Variants in BMPR1A observed in about 807,000 individuals in gnomAD.
BMPR1A encodes the protein bone morphogenetic protein receptor type 1A, also known as bone morphogenetic protein receptor type-1A.
BMPR1A carries 7 observed loss-of-function variants against 66.0 expected under a neutral mutation model. The ratio of observed to expected loss-of-function variants is 0.11; its 90% CI spans 0.06 to 0.20. The LOEUF is 0.20. Among genes scored for constraint, BMPR1A ranks in the 10% least tolerant of loss-of-function variants. The pLI is 1.00. For missense variants in BMPR1A, 408 were observed against 669.1 expected (o/e 0.61, Z 4.31); for synonymous variants, 200 against 229.7 (o/e 0.87, Z 1.17).
chr10:86,892,015 A>G (rs1187945657), intron 4 of BMPR1A, 112 bp from the exon 5 acceptor site: 1 of 821,936 alleles, frequency 1.2e-6, no homozygotes, highest in East Asian at 2.7e-5. Context: ...ATTCTAAGTC[A>G]CAAAACAAAG....
intron 1 of BMPR1A, among the ~76,000 whole-genome samples, chr10:86,771,688 C>T (rs1324675097): frequency 6.6e-6 from 1 of 152,150 alleles, no homozygotes; most frequent in Non-Finnish European, 1.5e-5. Context: ...TAACAATTAA[C>T]CTCTCTTTTA....
intron 5 of BMPR1A, among the ~76,000 whole-genome samples, chr10:86,896,155 A>AAAAAG (rs1244352523): frequency 5.5e-4 from 82 of 147,936 alleles, no homozygotes; most frequent in East Asian, 2.6e-3. Context: ...CTCCGTCTCA[A>AAAAAG]AAAAGAAAAG....
At chr10:86,891,983 C>T in intron 4 of BMPR1A, 144 bp from the exon 5 acceptor site, 1 of 683,394 alleles carries the variant, frequency 1.5e-6, no homozygotes, top group Non-Finnish European at 2.6e-6. Context: ...CTGGCGTTGC[C>T]AATAAATCAC....
At position 86,818,921 on chromosome 10, in the gene BMPR1A, C is replaced by T. The variant is rs11202208; in HGVS notation, c.-267-19944C>T. ...TTTTGTTGTTGTTCATTGCTGTATG[C>T]TGAGGTTTAGATTAGTTCCTGGGAC... On this transcript the variant is annotated intron_variant, in intron 1 of 12. Coordinates refer to ENST00000372037, the MANE Select transcript of BMPR1A (RefSeq NM_004329.3). 9.9e-3 allele frequency among the ~76,000 whole-genome samples: 1,500 copies of T among 152,184 alleles called. 28 individuals carry two copies. The highest frequency in any genetic ancestry group is 0.079 in the South Asian group (382 of 4,816).
At chr10:86,761,501 A>G (rs1841057334) in intron 1 of BMPR1A, among the ~76,000 whole-genome samples, 1 of 152,218 alleles carries the variant, frequency 6.6e-6, no homozygotes, top group Non-Finnish European at 1.5e-5. Context: ...TTGGAAAATC[A>G]TTTTGAAGAA....
chr10:86,854,750 A>G (rs564826853), intron 2 of BMPR1A: 26 of 236,744 alleles, frequency 1.1e-4, no homozygotes, highest in Admixed American at 2.0e-4. Flanking sequence ...ATCCTCTATA[A>G]AACTCCCTGA....
chr10:86,854,424 T>C (rs1842613092), intron 2 of BMPR1A, among the ~76,000 whole-genome samples: 3 of 152,178 alleles, frequency 2.0e-5, no homozygotes, highest in African/African-American at 4.8e-5. Context: ...AGGGTATTGA[T>C]TGAGGAAGTG....
At chr10:86,789,895 G>T (rs1341247232) in intron 1 of BMPR1A, among the ~76,000 whole-genome samples, 1 of 149,592 alleles carries the variant, frequency 6.7e-6, no homozygotes, top group Non-Finnish European at 1.5e-5. Context: ...GGTGGCTCAC[G>T]CCTGTAATCC....
At chr10:86,803,114 G>A (rs1401071133) in intron 1 of BMPR1A, among the ~76,000 whole-genome samples, 2 of 151,186 alleles carry the variant, frequency 1.3e-5, no homozygotes, top group African/African-American at 2.4e-5. Flanking sequence ...TTTCTTTAAA[G>A]TGAAGTCAGA....
intron 2 of BMPR1A, among the ~76,000 whole-genome samples, chr10:86,874,399 C>G (rs1447968885): frequency 6.6e-6 from 1 of 151,242 alleles, no homozygotes; most frequent in Non-Finnish European, 1.5e-5. Flanking sequence ...CTCCGCTCCC[C>G]TCCCCTCCTC....
At chr10:86,827,614 A>ATGT (rs1167938296) in intron 1 of BMPR1A, among the ~76,000 whole-genome samples, 30 of 152,230 alleles carry the variant, frequency 2.0e-4, no homozygotes, top group Admixed American at 1.3e-3. Flanking sequence ...GTATGGCAGA[A>ATGT]TGTCTTCTTT....
At chr10:86,839,407 A>T (rs932723561) in intron 2 of BMPR1A, among the ~76,000 whole-genome samples, 1 of 152,146 alleles carries the variant, frequency 6.6e-6, no homozygotes, top group African/African-American at 2.4e-5. Flanking sequence ...AGCCTGGCCA[A>T]CATGGCGAAA....
chr10:86,757,392 C>T (rs952059762), intron 1 of BMPR1A, among the ~76,000 whole-genome samples: 13 of 152,272 alleles, frequency 8.5e-5, no homozygotes, highest in African/African-American at 3.1e-4. Context: ...GGGGCCCTGG[C>T]CCCCGAGCTC....
At chr10:86,909,463 G>C (rs1399289184) in intron 7 of BMPR1A, among the ~76,000 whole-genome samples, 2 of 151,912 alleles carry the variant, frequency 1.3e-5, no homozygotes, top group Non-Finnish European at 1.5e-5. Flanking sequence ...ATGGTGGTGT[G>C]TGCCTGCAGT....
chr10:86,851,110 G>C (rs1488762523), intron 2 of BMPR1A, among the ~76,000 whole-genome samples: 1 of 152,156 alleles, frequency 6.6e-6, no homozygotes, highest in Non-Finnish European at 1.5e-5. Flanking sequence ...CTAAATTTCT[G>C]TTCTCTGATG....
intron 1 of BMPR1A, among the ~76,000 whole-genome samples, chr10:86,826,346 A>G (rs1203307179): frequency 2.0e-5 from 3 of 152,074 alleles, no homozygotes; most frequent in Admixed American, 1.3e-4. Context: ...AACCAAGGGA[A>G]AAAATATATC....
chr10:86,872,644 T>C (rs958962690), intron 2 of BMPR1A, among the ~76,000 whole-genome samples: 8 of 152,028 alleles, frequency 5.3e-5, no homozygotes, highest in African/African-American at 1.9e-4. Flanking sequence ...TAAAAATATT[T>C]AAATTTATTT....
intron 1 of BMPR1A, among the ~76,000 whole-genome samples, chr10:86,759,709 TTCTTTTTC>T (rs1841001454): frequency 1.3e-5 from 2 of 152,206 alleles, no homozygotes; most frequent in South Asian, 4.1e-4. Context: ...GCAGCTTTCC[TTCTTTTTC>T]TCTTTTTCAG....
intron 1 of BMPR1A, among the ~76,000 whole-genome samples, chr10:86,802,110 CT>C (rs1179878221): frequency 1.3e-5 from 2 of 152,120 alleles, no homozygotes; most frequent in African/African-American, 4.8e-5. Flanking sequence ...GCCCCATCTC[CT>C]TTACTCTCTC....
Sources: gnomAD v4.1 joint callset for allele counts (sites outside exome capture counted in the v4.1 genomes callset) on GRCh38, gnomAD v4.1.1 for gene constraint, MANE v1.5 for transcripts, NCBI Gene and HGNC (gene_info 2026-07-23, HGNC 2026-07-21) for gene names.